The following CACNA2D1 variants were observed in gnomAD, a reference collection of about 807,000 sequenced individuals.
The protein encoded by CACNA2D1 is calcium voltage-gated channel auxiliary subunit alpha2delta 1.
A neutral mutation model predicts 171.5 loss-of-function variants in CACNA2D1; 53 were observed. The ratio of observed to expected loss-of-function variants is 0.31; its 90% CI spans 0.25 to 0.39. The LOEUF is 0.39. CACNA2D1 is among the 10% of genes least tolerant of loss of function. CACNA2D1 has a pLI of 1.00. For missense variants in CACNA2D1, 903 were observed against 1,299.8 expected (o/e 0.69, Z 4.69); for synonymous variants, 442 against 443.1 (o/e 1.00, Z 0.03).
chr7:81,950,599 A>T, intron 38 of CACNA2D1, 91 bp from the exon 39 acceptor site: 1 of 1,495,302 alleles, frequency 6.7e-7, no homozygotes, highest in East Asian at 2.5e-5. Flanking sequence ...AGTAATCCAT[A>T]TTTAGTTCAC....
chr7:82,007,557 C>A, intron 16 of CACNA2D1, 122 bp downstream of exon 16: 1 of 665,260 alleles, frequency 1.5e-6, no homozygotes, highest in Non-Finnish European at 2.7e-6. Flanking sequence ...TTGCCTTTGA[C>A]CTCTGGCCTC....
chr7:82,061,491 G>A (rs1368957764), intron 9 of CACNA2D1, among the ~76,000 whole-genome samples: 1 of 152,106 alleles, frequency 6.6e-6, no homozygotes, highest in African/African-American at 2.4e-5. Context: ...ATTTTTAACA[G>A]CTCATAGATA....
intron 1 of CACNA2D1, among the ~76,000 whole-genome samples, chr7:82,428,624 C>A (rs1829406926): frequency 6.6e-6 from 1 of 152,128 alleles, no homozygotes; most frequent in Non-Finnish European, 1.5e-5. Flanking sequence ...GATGAAAGAA[C>A]TAACACTTTT....
intron 5 of CACNA2D1, among the ~76,000 whole-genome samples, chr7:82,132,163 C>T (rs1451668026): frequency 1.3e-5 from 2 of 152,120 alleles, no homozygotes; most frequent in African/African-American, 2.4e-5. Flanking sequence ...AAACTCAGTA[C>T]AGCACCCAAT....
intron 3 of CACNA2D1, among the ~76,000 whole-genome samples, chr7:82,193,065 T>C (rs927359648): frequency 6.6e-6 from 1 of 151,938 alleles, no homozygotes; most frequent in Non-Finnish European, 1.5e-5. Context: ...CTAAAATACA[T>C]TGGTAAGTGA....
intron 24 of CACNA2D1, among the ~76,000 whole-genome samples, chr7:81,978,750 A>AGTGTGTGTGT (rs541384324): frequency 2.3e-4 from 18 of 76,928 alleles, no homozygotes; most frequent in African/African-American, 7.1e-4. Flanking sequence ...TTTTTTAAAA[A>AGTGTGTGTGT]GTGTATATAT....
intron 3 of CACNA2D1, among the ~76,000 whole-genome samples, chr7:82,278,878 C>G (rs1024726214): frequency 6.6e-6 from 1 of 152,172 alleles, no homozygotes; most frequent in African/African-American, 2.4e-5. Flanking sequence ...AGGGTCTACT[C>G]GTTCAGCACA....
chr7:82,285,797 A>T (rs1810686042), intron 3 of CACNA2D1, among the ~76,000 whole-genome samples: 1 of 152,138 alleles, frequency 6.6e-6, no homozygotes, highest in Non-Finnish European at 1.5e-5. Flanking sequence ...TCTATGAAAA[A>T]CACAGGTTAT....
intron 3 of CACNA2D1, among the ~76,000 whole-genome samples, chr7:82,306,632 G>A (rs1366975284): frequency 6.6e-6 from 1 of 152,114 alleles, no homozygotes; most frequent in Non-Finnish European, 1.5e-5. Context: ...AGAGACTTCT[G>A]CTATCCTAAT....
At chr7:82,079,631 G>A (rs1035831883) in intron 7 of CACNA2D1, among the ~76,000 whole-genome samples, 1 of 151,442 alleles carries the variant, frequency 6.6e-6, no homozygotes, top group African/African-American at 2.4e-5. Flanking sequence ...GGCAGAGGTT[G>A]CAGTGAGCCG....
chr7:82,109,557 G>A (rs2129046104), intron 6 of CACNA2D1, among the ~76,000 whole-genome samples: 1 of 152,284 alleles, frequency 6.6e-6, no homozygotes, highest in South Asian at 2.1e-4. Flanking sequence ...ACAATTGGTT[G>A]AAAGCCTGTT....
chr7:82,316,348 C>T (rs1585460230), intron 3 of CACNA2D1, among the ~76,000 whole-genome samples: 1 of 152,214 alleles, frequency 6.6e-6, no homozygotes, highest in South Asian at 2.1e-4. Flanking sequence ...TCATTACTTA[C>T]TGCCTTTATA....
intron 3 of CACNA2D1, among the ~76,000 whole-genome samples, chr7:82,203,518 G>T (rs754400869): frequency 1.3e-5 from 2 of 152,116 alleles, no homozygotes; most frequent in African/African-American, 2.4e-5. Context: ...TTTAGAAGTG[G>T]CAAAGCTCCC....
At chr7:82,392,325 C>T (rs1459145361) in intron 1 of CACNA2D1, among the ~76,000 whole-genome samples, 1 of 152,254 alleles carries the variant, frequency 6.6e-6, no homozygotes, top group African/African-American at 2.4e-5. Context: ...CACCCAACTT[C>T]AGGTGGGGGG....
At chr7:82,249,347 A>G (rs1358949535) in intron 3 of CACNA2D1, among the ~76,000 whole-genome samples, 3 of 152,178 alleles carry the variant, frequency 2.0e-5, no homozygotes, top group African/African-American at 4.8e-5. Flanking sequence ...TTGTAGAAAA[A>G]AAGACTTAGG....
At chr7:81,983,693 C>T (rs1796666014) in intron 22 of CACNA2D1, among the ~76,000 whole-genome samples, 1 of 152,102 alleles carries the variant, frequency 6.6e-6, no homozygotes, top group African/African-American at 2.4e-5. Flanking sequence ...GAAGAACTAG[C>T]TCATGCAGAA....
chr7:82,047,060 C>T (rs1342836893), intron 10 of CACNA2D1, among the ~76,000 whole-genome samples: 1 of 151,898 alleles, frequency 6.6e-6, no homozygotes, highest in African/African-American at 2.4e-5. Context: ...TTTAGGATCC[C>T]CCTGCATCTC....
At chr7:82,165,240 G>A (rs542304790) in intron 4 of CACNA2D1, among the ~76,000 whole-genome samples, 2 of 152,052 alleles carry the variant, frequency 1.3e-5, no homozygotes, top group South Asian at 4.1e-4. Flanking sequence ...GAGAGGGAAG[G>A]AAGAGAAAGA....
intron 3 of CACNA2D1, among the ~76,000 whole-genome samples, chr7:82,174,492 T>A (rs143751025): frequency 2.0e-5 from 3 of 152,112 alleles, no homozygotes; most frequent in African/African-American, 7.2e-5. Context: ...AAATAGAAAA[T>A]CACTATAAAG....
Sources: allele counts gnomAD v4.1 joint callset (sites outside exome capture counted in the v4.1 genomes callset), GRCh38; gene constraint gnomAD v4.1.1; transcripts MANE v1.5; gene names NCBI Gene and HGNC (gene_info 2026-07-23, HGNC 2026-07-21).